MYT1L: variants seen among roughly 807,000 people sequenced by gnomAD.
MYT1L encodes the protein myelin transcription factor 1-like protein.
MYT1L carries 12 observed loss-of-function variants against 126.7 expected under a neutral mutation model. The ratio of observed to expected loss-of-function variants is 0.09; its 90% CI spans 0.06 to 0.15. The LOEUF (loss-of-function observed/expected upper bound fraction) is 0.15. Among genes scored for constraint, MYT1L ranks in the 10% least tolerant of loss-of-function variants. The pLI is 1.00. For missense variants in MYT1L, 979 were observed against 1,585.2 expected, an observed-to-expected ratio of 0.62 and a Z score of 6.49; for synonymous variants, 541 against 604.2, an observed-to-expected ratio of 0.90 and a Z score of 1.53.
chr2:2,157,028 A>T (rs1301064769), intron 3 of MYT1L, among the ~76,000 whole-genome samples: 1 of 152,228 alleles, frequency 6.6e-6, no homozygotes. Context: ...AGTTTTGACC[A>T]TGTTACAATG....
At chr2:1,911,937 A>T in intron 12 of MYT1L, 83 bp downstream of exon 12, 2 of 1,088,938 alleles carry the variant, frequency 1.8e-6, no homozygotes, top group Non-Finnish European at 2.6e-6. Context: ...CACCATATGG[A>T]GCGTGGTAGG....
intron 10 of MYT1L, among the ~76,000 whole-genome samples, chr2:1,920,957 G>A (rs189610033): frequency 6.6e-4 from 101 of 152,360 alleles, no homozygotes; most frequent in African/African-American, 2.3e-3. Context: ...GAGAGTCCCC[G>A]AGCCTCTGGC....
chr2:1,874,585 C>A (rs956882386), intron 18 of MYT1L, among the ~76,000 whole-genome samples: 1 of 152,200 alleles, frequency 6.6e-6, no homozygotes, highest in Admixed American at 6.5e-5. Context: ...TGTGGTCCAG[C>A]GGCTGGGCCG....
chr2:2,169,065 A>C (rs1002704383), intron 3 of MYT1L, among the ~76,000 whole-genome samples: 2 of 152,206 alleles, frequency 1.3e-5, no homozygotes, highest in African/African-American at 4.8e-5. Flanking sequence ...TTCTATTAAG[A>C]AGCAATTATT....
At chr2:2,256,972 G>T (rs2094829169) in intron 2 of MYT1L, among the ~76,000 whole-genome samples, 1 of 152,198 alleles carries the variant, frequency 6.6e-6, no homozygotes, top group Admixed American at 6.5e-5. Context: ...TACATAGGTT[G>T]CTGCCTCCTT....
At chr2:1,804,261 T>C (rs112597410) in intron 22 of MYT1L, among the ~76,000 whole-genome samples, 6,721 of 152,232 alleles carry the variant, frequency 0.044, 199 homozygotes, top group South Asian at 0.1. Context: ...GCTGGGATTA[T>C]ACGTGCCTGC....
Position 1,889,482 on chromosome 2 carries a change from C to A in MYT1L, c.2284-5G>T, listed in dbSNP as rs772684698. 12 of 1,588,102 alleles carry A rather than the reference C, an allele frequency of 7.6e-6. No homozygotes were observed. Among genetic ancestry groups the A allele is most frequent in the South Asian group, 1.1e-5 (1 of 87,634 alleles). ...ATCCACCTCCATGTCAGGGTTCTGT[C>A]GGTAGAAAGACATAGTGACTGTGCT... On this transcript the variant is annotated splice_region_variant and splice_polypyrimidine_tract_variant and intron_variant, in intron 15 of 24. Coordinates refer to ENST00000647738, the MANE Select transcript of MYT1L (RefSeq NM_001303052.2). The surrounding 1 kb of genome is among the most constrained non-coding windows in gnomAD (Gnocchi z 4.1).
rs2070162383 is a variant in MYT1L at position 2,059,893 on chromosome 2, G to T, written c.-303-5770C>A. Among the ~76,000 whole-genome samples, 4 of 152,254 alleles carry T rather than the reference G, an allele frequency of 2.6e-5. No individual in the cohort carries two copies. The highest frequency in any genetic ancestry group is 3.4e-3 in the Middle Eastern group (1 of 294). ...ATGGTTTTCTCTTGACTCTGTCAGAGAATTTAGCATACCATGCTGTAACTG... is the reference window on the plus strand; with the variant it reads ...ATGGTTTTCTCTTGACTCTGTCAGATAATTTAGCATACCATGCTGTAACTG... On this transcript the variant is annotated intron_variant, in intron 3 of 24. Transcript: ENST00000647738. The surrounding 1 kb of genome is among the most constrained non-coding windows in gnomAD (Gnocchi z 4.7).
intron 1 of MYT1L, among the ~76,000 whole-genome samples, chr2:2,330,363 T>A (rs1384051001): frequency 6.6e-6 from 1 of 152,164 alleles, no homozygotes; most frequent in African/African-American, 2.4e-5. Context: ...TTTTGCTTTA[T>A]TCAGATCTAT....
intron 18 of MYT1L, among the ~76,000 whole-genome samples, chr2:1,876,082 C>G (rs2046867662): frequency 6.6e-6 from 1 of 152,232 alleles, no homozygotes; most frequent in Admixed American, 6.5e-5. Context: ...TATTGAAAGT[C>G]TCTTTGGCCG....
At chr2:1,876,010 G>A (rs907216397) in intron 18 of MYT1L, among the ~76,000 whole-genome samples, 1 of 152,078 alleles carries the variant, frequency 6.6e-6, no homozygotes, top group African/African-American at 2.4e-5. Flanking sequence ...TGTACACTTC[G>A]GGTTTCTGGA....
intron 2 of MYT1L, among the ~76,000 whole-genome samples, chr2:2,242,792 G>T (rs993254112): frequency 6.6e-6 from 1 of 152,222 alleles, no homozygotes; most frequent in Non-Finnish European, 1.5e-5. Context: ...GTCGAATATG[G>T]CTAAGGAGAA....
chr2:2,205,774 T>C (rs1262622071), intron 2 of MYT1L, among the ~76,000 whole-genome samples: 1 of 152,146 alleles, frequency 6.6e-6, no homozygotes, highest in Non-Finnish European at 1.5e-5. Context: ...GGTACATTTC[T>C]AGTGATGTTT....
At chr2:2,105,680 A>C (rs1380852859) in intron 3 of MYT1L, among the ~76,000 whole-genome samples, 1 of 152,192 alleles carries the variant, frequency 6.6e-6, no homozygotes, top group East Asian at 1.9e-4. Context: ...CGTTCACAAA[A>C]ATTTCTTATA....
chr2:2,184,095 G>A (rs1233031492), intron 2 of MYT1L, among the ~76,000 whole-genome samples: 4 of 150,714 alleles, frequency 2.7e-5, no homozygotes, highest in Non-Finnish European at 5.9e-5. Context: ...GGGAGGGAGG[G>A]AAAGAAAAGA....
chr2:1,826,607 A>G (rs1420122768), intron 21 of MYT1L, among the ~76,000 whole-genome samples: 1 of 152,132 alleles, frequency 6.6e-6, no homozygotes, highest in African/African-American at 2.4e-5. Flanking sequence ...ACACTAAAAG[A>G]TGGAGATTAA....
intron 2 of MYT1L, among the ~76,000 whole-genome samples, chr2:2,212,915 C>T (rs892473953): frequency 2.0e-5 from 3 of 152,166 alleles, no homozygotes; most frequent in African/African-American, 7.2e-5. Flanking sequence ...TCCATCTTCT[C>T]TGAGGGCCAC....
At chr2:1,861,944 T>TCCTC (rs1315397945) in intron 18 of MYT1L, among the ~76,000 whole-genome samples, 1 of 152,286 alleles carries the variant, frequency 6.6e-6, no homozygotes, top group African/African-American at 2.4e-5. Context: ...TAATCCTGGA[T>TCCTC]CTGCCTGCAG....
At chr2:2,113,907 T>G (rs1233446423) in intron 3 of MYT1L, among the ~76,000 whole-genome samples, 1 of 151,616 alleles carries the variant, frequency 6.6e-6, no homozygotes, top group Non-Finnish European at 1.5e-5. Context: ...ATTACACAGA[T>G]AGGAAAACAG....
Sources: gnomAD v4.1 joint callset for allele counts (sites outside exome capture counted in the v4.1 genomes callset) on GRCh38, gnomAD v4.1.1 for gene constraint, Gnocchi (gnomAD v3.1) non-coding constraint, MANE v1.5 for transcripts, NCBI Gene and HGNC (gene_info 2026-07-23, HGNC 2026-07-21) for gene names.